Variants in PRKN observed in about 807,000 individuals in gnomAD.
PRKN encodes E3 ubiquitin-protein ligase parkin.
A neutral mutation model predicts 59.5 loss-of-function variants in PRKN; 56 were observed. The ratio of observed to expected loss-of-function variants is 0.94; its 90% CI spans 0.76 to 1.18. The LOEUF is 1.18. Ranked by LOEUF, PRKN falls within the 50% of genes most tolerant of loss-of-function variation. The pLI is 0.00. For missense variants in PRKN, 657 were observed against 596.4 expected (o/e 1.10, Z -1.06); for synonymous variants, 250 against 222.1 (o/e 1.13, Z -1.12).
rs75755672 is a variant in PRKN at position 161,457,565 on chromosome 6, T to C, written c.1084-70688A>G. Reference sequence around the variant, plus strand: ...AAGACATGACTGCTGAATGTGTGGATAGATGGATGGGAGGATGAATGGATG... The same window carrying C: ...AAGACATGACTGCTGAATGTGTGGACAGATGGATGGGAGGATGAATGGATG... On this transcript the variant is annotated intron_variant, in intron 9 of 11. Coordinates refer to ENST00000366898, the MANE Select transcript of PRKN (RefSeq NM_004562.3). This position sits in a 1 kb window ranked among gnomAD's most constrained non-coding sequence, Gnocchi z 5.0. Among the ~76,000 whole-genome samples, 545 of 152,274 alleles carry C rather than the reference T, an allele frequency of 3.6e-3. 10 individuals carry two copies. The East Asian group carries it at 0.045, about 13-fold the overall frequency.
chr6:162,517,024 G>A (rs531850548), intron 1 of PRKN, among the ~76,000 whole-genome samples: 3 of 152,198 alleles, frequency 2.0e-5, no homozygotes, highest in Admixed American at 6.5e-5. Context: ...AGTGAAAACA[G>A]GAGGTAATTC....
intron 6 of PRKN, among the ~76,000 whole-genome samples, chr6:161,788,394 A>G (rs1049182180): frequency 2.0e-5 from 3 of 152,136 alleles, no homozygotes; most frequent in African/African-American, 7.2e-5. Context: ...ACACCTTCCA[A>G]TATAAATAGT....
At chr6:162,246,319 G>A (rs962502593) in intron 3 of PRKN, among the ~76,000 whole-genome samples, 12 of 152,098 alleles carry the variant, frequency 7.9e-5, no homozygotes, top group African/African-American at 2.2e-4. Flanking sequence ...GAGAGGAAAC[G>A]GAGAAGACGG....
chr6:162,654,091 T>C (rs904705995), intron 1 of PRKN, among the ~76,000 whole-genome samples: 3 of 152,196 alleles, frequency 2.0e-5, no homozygotes, highest in Non-Finnish European at 4.4e-5. Flanking sequence ...AAGAATGATC[T>C]TACTAAATCT....
intron 7 of PRKN, among the ~76,000 whole-genome samples, chr6:161,772,114 G>A (rs969439601): frequency 5.9e-5 from 9 of 152,176 alleles, no homozygotes; most frequent in Non-Finnish European, 1.0e-4. Flanking sequence ...ACGCCTGTGG[G>A]TGATGATGAT....
At chr6:162,365,419 T>C (rs557766640) in intron 2 of PRKN, among the ~76,000 whole-genome samples, 4 of 152,206 alleles carry the variant, frequency 2.6e-5, no homozygotes, top group African/African-American at 9.6e-5. Flanking sequence ...TGTTGAAATA[T>C]TTTCCCCTAA....
At chr6:162,294,070 G>A (rs1781554508) in intron 2 of PRKN, among the ~76,000 whole-genome samples, 1 of 151,816 alleles carries the variant, frequency 6.6e-6, no homozygotes, top group Non-Finnish European at 1.5e-5. Flanking sequence ...AGGGCAGCAG[G>A]AGAGATCAGA....
rs137853060 is a variant in PRKN at position 161,973,403 on chromosome 6, T to A, written c.633A>T (p.Lys211Asn). Reference protein sequence around the residue: ...CPGTSAEFFFKCGAHPTSDKE... With the variant: ...CPGTSAEFFFNCGAHPTSDKE... The stretch of plus-strand genomic sequence containing the variant: ...TGTCAGAGGTGGGGTGTGCTCCACA[T>A]TTAAAGAAAAATTCCTGAAAGAAAG... The change falls in exon 6 of 12, where the codon AAA becomes AAT. Residue 211 changes from lysine (K) to asparagine (N), a missense_variant. Coordinates refer to ENST00000366898, the MANE Select transcript of PRKN (RefSeq NM_004562.3). 1.6e-5 allele frequency: 25 copies of A among 1,609,644 alleles called. No homozygotes were observed. Among genetic ancestry groups the A allele is most frequent in the Non-Finnish European group, 2.0e-5 (24 of 1,175,980 alleles).
chr6:162,000,604 T>G (rs1174190676), intron 5 of PRKN, among the ~76,000 whole-genome samples: 1 of 152,078 alleles, frequency 6.6e-6, no homozygotes, highest in Non-Finnish European at 1.5e-5. Context: ...CTATGGCTTG[T>G]TTCATTCTCT....
At chr6:162,433,625 C>T (rs1789639283) in intron 2 of PRKN, among the ~76,000 whole-genome samples, 1 of 152,156 alleles carries the variant, frequency 6.6e-6, no homozygotes, top group Admixed American at 6.5e-5. Context: ...TGTTAATTAA[C>T]CACTTTAGCA....
chr6:161,642,114 C>T (rs567170201), intron 7 of PRKN, among the ~76,000 whole-genome samples: 43 of 152,234 alleles, frequency 2.8e-4, no homozygotes, highest in Non-Finnish European at 5.1e-4. Flanking sequence ...AAGGGTCTGT[C>T]TTATTTAAAA....
chr6:162,487,395 G>A (rs1792595259), intron 1 of PRKN, among the ~76,000 whole-genome samples: 1 of 152,152 alleles, frequency 6.6e-6, no homozygotes, highest in Non-Finnish European at 1.5e-5. Flanking sequence ...CTGAGGCTGT[G>A]TGTATCTCCC....
intron 1 of PRKN, among the ~76,000 whole-genome samples, chr6:162,636,727 G>T (rs1459891654): frequency 6.6e-6 from 1 of 152,228 alleles, no homozygotes; most frequent in Non-Finnish European, 1.5e-5. Flanking sequence ...GCTAACAGCT[G>T]TAATCCCAGA....
rs897390162 is a variant in PRKN, at chr6:161,417,601, G to A, written c.1084-30724C>T. ...GTGTCTTAGAAAAGAAAAAACTCAC[G>A]GGGCTGGGGGTTACATCTATTGTTT... On this transcript the variant is annotated intron_variant, in intron 9 of 11. Coordinates refer to ENST00000366898, the MANE Select transcript of PRKN (RefSeq NM_004562.3). This position sits in a 1 kb window ranked among gnomAD's most constrained non-coding sequence, Gnocchi z 5.4. 7.9e-5 allele frequency among the ~76,000 whole-genome samples: 12 copies of A among 152,148 alleles called. No homozygotes were observed. Among genetic ancestry groups the A allele is most frequent in the Non-Finnish European group, 1.5e-4 (10 of 68,008 alleles).
intron 2 of PRKN, among the ~76,000 whole-genome samples, chr6:162,356,766 A>G (rs1401384800): frequency 6.7e-6 from 1 of 149,532 alleles, no homozygotes; most frequent in Admixed American, 6.7e-5. Context: ...AAAAAAAAAA[A>G]AAAAGATAAG....
rs56068115 is a variant in PRKN at position 162,397,289 on chromosome 6, C to G, written c.171+46021G>C. 2.4e-3 allele frequency among the ~76,000 whole-genome samples: 362 copies of G among 152,222 alleles called. 1 individual carries two copies. Among genetic ancestry groups the G allele is most frequent in the African/African-American group, 8.0e-3 (332 of 41,542 alleles). ...GAAAAAGAAGCAAACTCGGGAATAT[C>G]AACAGATTTGAGATGTCTGAATTAA... On this transcript the variant is annotated intron_variant, in intron 2 of 11. Coordinates refer to ENST00000366898, the MANE Select transcript of PRKN (RefSeq NM_004562.3).
chr6:162,033,224 C>T (rs185980754), intron 5 of PRKN, among the ~76,000 whole-genome samples: 232 of 152,302 alleles, frequency 1.5e-3, no homozygotes, highest in African/African-American at 5.4e-3. Flanking sequence ...ATATGACTGG[C>T]TTTCACCCTT....
chr6:161,699,958 T>C (rs939835289), intron 7 of PRKN, among the ~76,000 whole-genome samples: 2 of 152,192 alleles, frequency 1.3e-5, no homozygotes, highest in Non-Finnish European at 2.9e-5. Flanking sequence ...GAAGCCTTTG[T>C]TGGACACTAT....
rs1049922466 is a variant in PRKN at position 161,841,237 on chromosome 6, G to A, written c.735-55329C>T. 3.3e-5 allele frequency among the ~76,000 whole-genome samples: 5 copies of A among 152,198 alleles called. No homozygotes were observed. In the South Asian group the frequency reaches 8.3e-4, roughly 25 times the overall value. On this transcript the variant is annotated intron_variant, in intron 6 of 11. Transcript: ENST00000366898. Reference sequence around the variant, plus strand: ...ATTAGGTGCACAGCAAGAGGGTGAGGAGGTTAAGAGGGAATGAGCATATCT... The same window carrying A: ...ATTAGGTGCACAGCAAGAGGGTGAGAAGGTTAAGAGGGAATGAGCATATCT...
Sources: allele counts gnomAD v4.1 joint callset (sites outside exome capture counted in the v4.1 genomes callset), GRCh38; gene constraint gnomAD v4.1.1; non-coding constraint Gnocchi (gnomAD v3.1); transcripts MANE v1.5; gene names NCBI Gene and HGNC (gene_info 2026-07-23, HGNC 2026-07-21).